The following GOLGB1 variants were observed in gnomAD, a reference collection of about 807,000 sequenced individuals.
The protein encoded by GOLGB1 is golgin B1, also known as golgin subfamily B member 1.
Under a neutral mutation model 336.9 loss-of-function variants are expected in GOLGB1, and 174 were observed. That is an observed-to-expected ratio of 0.52 (90% CI 0.46 to 0.59). The LOEUF is 0.59. Ranked by LOEUF, GOLGB1 falls within the 20% of genes least tolerant of loss-of-function variation. GOLGB1 has a pLI of 0.00. For synonymous variants in GOLGB1, 1,208 were observed against 1,289.2 expected, an observed-to-expected ratio of 0.94 and a Z score of 1.35; for missense variants, 3,331 against 3,645.3, an observed-to-expected ratio of 0.91 and a Z score of 2.22.
intron 18 of GOLGB1, 53 bp downstream of exon 18, chr3:121,669,159 T>C (rs1437883870): frequency 1.3e-6 from 2 of 1,575,558 alleles, no homozygotes; most frequent in Non-Finnish European, 1.7e-6. Flanking sequence ...GCTTCACCAC[T>C]TGCACTAAAT....
chr3:121,696,643 G>C lies in GOLGB1; in HGVS notation c.3880C>G (p.Pro1294Ala). The C allele has an allele frequency of 6.2e-7, 1 of 1,614,122 alleles. No individual in the cohort carries two copies. The highest frequency in any genetic ancestry group is 8.5e-7 in the Non-Finnish European group (1 of 1,180,018). Reference protein sequence around the residue: ...VLESNLCPDWPSHSEDASALQ... With the variant: ...VLESNLCPDWASHSEDASALQ... ...GCACTCGCATCTTCAGAATGAGAAG[G>C]CCAGTCTGGGCACAAGTTGGACTCT... is the stretch of plus-strand genomic sequence containing the variant. The change falls in exon 13 of 22, where the codon CCT (proline) becomes GCT (alanine). Residue 1294 changes from proline (P) to alanine (A), a missense_variant. Pro to Ala is a conservative substitution (Grantham distance 27). Coordinates refer to ENST00000614479, the MANE Select transcript of GOLGB1 (RefSeq NM_001366282.2).
intron 17 of GOLGB1, among the ~76,000 whole-genome samples, chr3:121,675,775 G>A (rs1940294243): frequency 6.6e-6 from 1 of 152,086 alleles, no homozygotes; most frequent in Non-Finnish European, 1.5e-5. Flanking sequence ...ATTTTTTTTA[G>A]TTGTTGCCCA....
chr3:121,735,207 G>A (rs1184849694), intron 1 of GOLGB1, among the ~76,000 whole-genome samples: 1 of 152,210 alleles, frequency 6.6e-6, no homozygotes, highest in Non-Finnish European at 1.5e-5. Flanking sequence ...TGATCTTGAA[G>A]TAGTAAATTC....
Position 121,691,637 on chromosome 3 carries a change from T to C in GOLGB1, c.7727A>G (p.Lys2576Arg). ...QNKELENKYA[K>R]LEEKLKESEE... The stretch of plus-strand genomic sequence containing the variant: ...AGATTCCTTCAGCTTTTCTTCTAAT[T>C]TAGCATATTTATTTTCCAGCTCCTT... Residue 2576 changes from lysine to arginine, a missense_variant, in exon 14 of 22, where the codon AAA becomes AGA. Lys to Arg is a conservative substitution (Grantham distance 26, BLOSUM62 2). Coordinates refer to ENST00000614479, the MANE Select transcript of GOLGB1 (RefSeq NM_001366282.2). The C allele has an allele frequency of 6.2e-7, 1 of 1,613,192 alleles. No homozygotes were observed. Among genetic ancestry groups the C allele is most frequent in the Non-Finnish European group, 8.5e-7 (1 of 1,179,746 alleles).
intron 1 of GOLGB1, among the ~76,000 whole-genome samples, chr3:121,747,413 A>ACG (rs1947441904): frequency 2.0e-5 from 3 of 146,390 alleles, no homozygotes; most frequent in East Asian, 2.0e-4. Flanking sequence ...ACGTATATAT[A>ACG]TGTATATATA....
At chr3:121,687,689 C>A (rs1301263568) in intron 14 of GOLGB1, among the ~76,000 whole-genome samples, 1 of 152,096 alleles carries the variant, frequency 6.6e-6, no homozygotes, top group Non-Finnish European at 1.5e-5. Context: ...AAGTTTAGTG[C>A]CTAGTGTTTA....
intron 1 of GOLGB1, among the ~76,000 whole-genome samples, chr3:121,734,392 GAA>G (rs34906801): frequency 2.8e-5 from 3 of 107,254 alleles, no homozygotes; most frequent in Non-Finnish European, 1.8e-5. Flanking sequence ...TCTGTCTCGG[GAA>G]AAAAAAAAAA....
At chr3:121,747,198 GT>G (rs1947367370) in intron 1 of GOLGB1, among the ~76,000 whole-genome samples, 1 of 101,700 alleles carries the variant, frequency 9.8e-6, no homozygotes, top group Non-Finnish European at 1.9e-5. Flanking sequence ...ATATATGGAT[GT>G]TACATAACAA....
Position 121,682,343 on chromosome 3 carries a change from G to T in GOLGB1, c.8695-478C>A, listed in dbSNP as rs1007572440. ...CTGCTCAGTGGTTAAGGACACTTAG[G>T]CTCTGGAGTTAGATATCCTACTACT... is the stretch of plus-strand genomic sequence containing the variant. On this transcript the variant is annotated intron_variant, in intron 14 of 21. Transcript: ENST00000614479. 6.5e-4 allele frequency among the ~76,000 whole-genome samples: 99 copies of T among 152,142 alleles called. 1 individual carries two copies. Among genetic ancestry groups the T allele is most frequent in the African/African-American group, 2.3e-3 (94 of 41,434 alleles).
chr3:121,680,215 C>T (rs191921787), intron 15 of GOLGB1, among the ~76,000 whole-genome samples: 245 of 152,240 alleles, frequency 1.6e-3, no homozygotes, highest in African/African-American at 5.1e-3. Context: ...CTTCCCCTGC[C>T]GGTGTGGTGT....
In GOLGB1 at chr3:121,669,289, G is replaced by A. The variant is rs1195154513; in HGVS notation, c.9244C>T (p.Arg3082Cys). ...TCACCATAGTGCTGCTGGTTCTCAC[G>A]AAGACTCTGACTGGTATCGCAGAGC... ...IQLCDTSQSL[R>C]ENQQHYGDLL... The change falls in exon 18 of 22, where the codon CGT becomes TGT. Residue 3082 changes from arginine to cysteine, a missense_variant. Arg to Cys is a radical substitution (Grantham distance 180). Transcript: ENST00000614479. 5 of 1,613,686 alleles carry A rather than the reference G, an allele frequency of 3.1e-6. No homozygotes were observed. In the African/African-American group the frequency reaches 4.0e-5, roughly 13 times the overall value.
At chr3:121,740,955 T>C (rs1487775770) in intron 1 of GOLGB1, among the ~76,000 whole-genome samples, 1 of 151,864 alleles carries the variant, frequency 6.6e-6, no homozygotes, top group Non-Finnish European at 1.5e-5. Flanking sequence ...AAAAATCCTT[T>C]AGGCTTTAGG....
At chr3:121,729,449 TG>T in intron 3 of GOLGB1, 109 bp from the exon 4 acceptor site, 1 of 911,548 alleles carries the variant, frequency 1.1e-6, no homozygotes, top group East Asian at 2.5e-5. Context: ...GGTATCTCTC[TG>T]TTACCAGGGC....
In GOLGB1 at chr3:121,698,756, C is replaced by A; in HGVS notation, c.1767G>T (p.Arg589Ser). 3 of 1,613,572 alleles carry A rather than the reference C, an allele frequency of 1.9e-6. No individual in the cohort carries two copies. The highest frequency in any genetic ancestry group is 2.5e-6 in the Non-Finnish European group (3 of 1,179,666). Reference protein sequence around the residue: ...AFLKLQLQGKRAEEADHEVLD... With the variant: ...AFLKLQLQGKSAEEADHEVLD... ...GGACCTCATGATCTGCTTCCTCAGC[C>A]CTTTTTCCCTGGAGCTGTAATTTAA... The change falls in exon 13 of 22, where the codon AGG (arginine) becomes AGT (serine). Residue 589 changes from arginine to serine, a missense_variant. Transcript: ENST00000614479.
chr3:121,684,178 GA>G (rs1256312086), intron 14 of GOLGB1, among the ~76,000 whole-genome samples: 2 of 57,826 alleles, frequency 3.5e-5, no homozygotes, highest in South Asian at 1.1e-3. Flanking sequence ...ATGAGACACA[GA>G]AAAAAAATCC....
chr3:121,693,985 G>A lies in GOLGB1; in HGVS notation c.6538C>T (p.Gln2180Ter). ...GTACTGTCCAAGTTTTCCTGAAGTT[G>A]CTGAACTTCCTTGTCTTTCTTGTTC... is the stretch of plus-strand genomic sequence containing the variant. ...TLNKKDKEVQ[Q>*]LQENLDSTVT... The change falls in exon 13 of 22, where the codon CAA (glutamine) becomes TAA (stop). Residue 2180 changes from glutamine (Q) to a stop codon, truncating the protein, a stop_gained. Coordinates refer to ENST00000614479, the MANE Select transcript of GOLGB1 (RefSeq NM_001366282.2). LOFTEE classifies it high-confidence loss of function. 6.2e-7 allele frequency: 1 copy of A among 1,614,104 alleles called. No individual in the cohort carries two copies. Among genetic ancestry groups the A allele is most frequent in the Non-Finnish European group, 8.5e-7 (1 of 1,180,000 alleles).
intron 14 of GOLGB1, among the ~76,000 whole-genome samples, chr3:121,687,577 G>GT (rs1243406453): frequency 7.9e-5 from 12 of 152,188 alleles, no homozygotes; most frequent in Non-Finnish European, 1.8e-4. Context: ...TAAAATCACA[G>GT]TTATGAGCAT....
intron 14 of GOLGB1, among the ~76,000 whole-genome samples, chr3:121,682,377 G>C (rs575601594): frequency 6.6e-6 from 1 of 152,144 alleles, no homozygotes; most frequent in African/African-American, 2.4e-5. Flanking sequence ...CTTCTTGGAC[G>C]TGTGACCCAA....
rs548255954 is a variant in GOLGB1 at position 121,718,436 on chromosome 3, G to A, written c.837C>T (p.Val279=). 6.8e-6 allele frequency: 11 copies of A among 1,613,868 alleles called. No individual in the cohort carries two copies. Among genetic ancestry groups the A allele is most frequent in the African/African-American group, 4.0e-5 (3 of 75,018 alleles). The change falls in exon 8 of 22, where the codon GTC becomes GTT. Residue 279 remains valine (V), a synonymous_variant. Coordinates refer to ENST00000614479, the MANE Select transcript of GOLGB1 (RefSeq NM_001366282.2). ...HEESLVGRAQ[V]VDLLQQELTA... is the part of the protein sequence containing the mutation. Reference sequence around the variant, plus strand: ...TCAGCTCCTGTTGCAGCAAGTCAACGACCTGAGCACGGCCCACCAAGGATT... The same window carrying A: ...TCAGCTCCTGTTGCAGCAAGTCAACAACCTGAGCACGGCCCACCAAGGATT...
Sources: gnomAD v4.1 joint callset for allele counts (sites outside exome capture counted in the v4.1 genomes callset) on GRCh38, gnomAD v4.1.1 for gene constraint, MANE v1.5 for transcripts, NCBI Gene and HGNC (gene_info 2026-07-23, HGNC 2026-07-21) for gene names.